NCK2: variants seen among roughly 807,000 people sequenced by gnomAD.
The protein encoded by NCK2 is cytoplasmic protein NCK2.
In NCK2, 16 loss-of-function variants were observed where a neutral mutation model predicts 33.9. That is an observed-to-expected ratio of 0.47 (90% CI 0.32 to 0.72). The LOEUF is 0.72. NCK2 is among the 30% of genes least tolerant of loss of function. The pLI is 0.03. For missense variants in NCK2, 418 were observed against 537.3 expected (o/e 0.78, Z 2.19); for synonymous variants, 273 against 239.9 (o/e 1.14, Z -1.27).
At chr2:105,779,686 G>A (rs1690424263) in intron 1 of NCK2, among the ~76,000 whole-genome samples, 1 of 152,158 alleles carries the variant, frequency 6.6e-6, no homozygotes. Context: ...GGAGGAAAGA[G>A]CTTTGATTTT....
At chr2:105,880,332 T>C (rs1045720691) in intron 3 of NCK2, among the ~76,000 whole-genome samples, 2 of 152,222 alleles carry the variant, frequency 1.3e-5, no homozygotes, top group East Asian at 3.8e-4. Flanking sequence ...ATGAAAAAAT[T>C]TGCCTTCGAT....
intron 1 of NCK2, among the ~76,000 whole-genome samples, chr2:105,779,163 T>C (rs1054747621): frequency 9.2e-5 from 14 of 152,010 alleles, no homozygotes; most frequent in Non-Finnish European, 1.8e-4. Context: ...AAAAATTAAC[T>C]GGGCATGGTG....
chr2:105,835,408 T>TATGTATATATATGTATATATATATATAC (rs1553458610), intron 2 of NCK2, among the ~76,000 whole-genome samples: 29 of 41,254 alleles, frequency 7.0e-4, no homozygotes, highest in Non-Finnish European at 1.6e-3. Flanking sequence ...TATATATACG[T>TATGTATATATATGTATATATATATATAC]GTATATATAT....
chr2:105,816,818 G>T (rs1440061321), intron 2 of NCK2, among the ~76,000 whole-genome samples: 1 of 152,192 alleles, frequency 6.6e-6, no homozygotes, highest in African/African-American at 2.4e-5. Context: ...TAGCCAGGAA[G>T]CAGGATGGTA....
intron 1 of NCK2, among the ~76,000 whole-genome samples, chr2:105,803,793 A>G (rs539856076): frequency 2.0e-5 from 3 of 152,294 alleles, no homozygotes; most frequent in African/African-American, 7.2e-5. Flanking sequence ...CCTCATAACC[A>G]CCTAGAAGCT....
At chr2:105,753,013 C>T (rs1689500474) in intron 1 of NCK2, among the ~76,000 whole-genome samples, 1 of 152,218 alleles carries the variant, frequency 6.6e-6, no homozygotes, top group African/African-American at 2.4e-5. Flanking sequence ...TTTGTATCTT[C>T]ATCGCTAAGG....
intron 2 of NCK2, among the ~76,000 whole-genome samples, chr2:105,847,024 C>G (rs1014321716): frequency 4.6e-5 from 7 of 152,134 alleles, no homozygotes; most frequent in Non-Finnish European, 8.8e-5. Flanking sequence ...AATGATGAAC[C>G]TGGAAGGCAT....
chr2:105,792,232 A>G (rs982814290), intron 1 of NCK2, among the ~76,000 whole-genome samples: 5 of 152,132 alleles, frequency 3.3e-5, no homozygotes, highest in Non-Finnish European at 5.9e-5. Context: ...CAGCTATCAC[A>G]TTTTATGATG....
chr2:105,804,885 G>A (rs1558845135), intron 1 of NCK2, among the ~76,000 whole-genome samples: 1 of 152,196 alleles, frequency 6.6e-6, no homozygotes, highest in Admixed American at 6.5e-5. Context: ...CAAACTGGGG[G>A]ACAAGGATTC....
At chr2:105,778,252 C>G (rs767535997) in intron 1 of NCK2, among the ~76,000 whole-genome samples, 12 of 152,216 alleles carry the variant, frequency 7.9e-5, no homozygotes, top group Non-Finnish European at 1.8e-4. Flanking sequence ...CTGGCCGTCC[C>G]TATCCCAGCA....
At chr2:105,801,424 T>C (rs73949309) in intron 1 of NCK2, among the ~76,000 whole-genome samples, 1,663 of 152,004 alleles carry the variant, frequency 0.011, 31 homozygotes, top group African/African-American at 0.038. Flanking sequence ...TTTTCTTTTT[T>C]TTTTTTTCTC....
At chr2:105,871,622 A>G (rs567572404) in intron 3 of NCK2, among the ~76,000 whole-genome samples, 80 of 151,812 alleles carry the variant, frequency 5.3e-4, no homozygotes, top group Non-Finnish European at 9.1e-4. Context: ...CAGCCTCCCC[A>G]GTGGCTATCA....
At chr2:105,871,040 A>T (rs1677977243) in intron 3 of NCK2, among the ~76,000 whole-genome samples, 1 of 151,904 alleles carries the variant, frequency 6.6e-6, no homozygotes, top group Admixed American at 6.6e-5. Flanking sequence ...TTTCGCTCAC[A>T]CCCCTGGCAG....
rs566443344 is a variant in NCK2 at position 105,893,369 on chromosome 2, C to T, written c.*193C>T. 7.1e-4 allele frequency: 401 copies of T among 563,734 alleles called. No individual in the cohort carries two copies. The highest frequency in any genetic ancestry group is 6.8e-3 in the African/African-American group (367 of 53,652). The allele number at this position is 563,734 out of a possible 1,614,324, so 34.9% of individuals were successfully genotyped here. A position where few individuals can be genotyped will look rare whatever the true frequency, so the allele number is the denominator to read the frequency against. On this transcript the variant is annotated 3_prime_UTR_variant, in exon 5 of 5. Transcript: ENST00000233154. ...ACACCCACACTCGAGCCCACCCGGC[C>T]GGCCAGCTTTAGAGGAGGGGAGGAG...
chr2:105,846,604 AC>A (rs1384107927), intron 2 of NCK2: 1 of 152,212 alleles, frequency 6.6e-6, no homozygotes, highest in Non-Finnish European at 1.5e-5. Context: ...CAGTACAAAT[AC>A]TGTTCAGTTA....
intron 1 of NCK2, among the ~76,000 whole-genome samples, chr2:105,750,599 T>C (rs928096422): frequency 3.3e-5 from 5 of 152,180 alleles, no homozygotes; most frequent in African/African-American, 9.7e-5. Flanking sequence ...TCTTTATATA[T>C]TGGTTGTAGC....
intron 1 of NCK2, among the ~76,000 whole-genome samples, chr2:105,754,644 T>A (rs188354987): frequency 6.6e-6 from 1 of 152,126 alleles, no homozygotes; most frequent in East Asian, 1.9e-4. Context: ...TGGGGGGAGC[T>A]GCTGCATTGG....
chr2:105,804,944 C>T (rs1248457653), intron 1 of NCK2, among the ~76,000 whole-genome samples: 4 of 152,118 alleles, frequency 2.6e-5, no homozygotes, highest in Non-Finnish European at 5.9e-5. Context: ...TGGATAGTCA[C>T]AGCTGATCTT....
intron 1 of NCK2, among the ~76,000 whole-genome samples, chr2:105,757,288 T>C (rs1689627078): frequency 6.6e-6 from 1 of 152,210 alleles, no homozygotes; most frequent in Non-Finnish European, 1.5e-5. Context: ...TGTAATGTAC[T>C]TTCACAACCT....
Sources: allele counts gnomAD v4.1 joint callset (sites outside exome capture counted in the v4.1 genomes callset), GRCh38; gene constraint gnomAD v4.1.1; transcripts MANE v1.5; gene names NCBI Gene and HGNC (gene_info 2026-07-23, HGNC 2026-07-21).